Variants in SYT6 observed in about 807,000 individuals in gnomAD.
SYT6 encodes synaptotagmin-6.
A neutral mutation model predicts 38.4 loss-of-function variants in SYT6; 24 were observed. The observed-to-expected ratio is 0.62, with a 90% CI of 0.45 to 0.88. The LOEUF (loss-of-function observed/expected upper bound fraction) is 0.88. SYT6 is among the 40% of genes least tolerant of loss of function. The probability of loss-of-function intolerance (pLI) is 0.00; values close to 1 mark genes in which losing one functional copy is unlikely to be tolerated. For synonymous variants in SYT6, 265 were observed against 241.9 expected (o/e 1.10, Z -0.89); for missense variants, 611 against 621.0 (o/e 0.98, Z 0.17).
intron 3 of SYT6, among the ~76,000 whole-genome samples, chr1:114,123,261 G>A (rs539949482): frequency 1.3e-5 from 2 of 152,344 alleles, no homozygotes; most frequent in Admixed American, 6.5e-5. Context: ...TGCTTATCAT[G>A]TTGTCATGAC....
At chr1:114,105,957 C>T (rs187623525) in intron 3 of SYT6, among the ~76,000 whole-genome samples, 12 of 152,284 alleles carry the variant, frequency 7.9e-5, no homozygotes, top group East Asian at 5.8e-4. Flanking sequence ...TCCCCACCCT[C>T]GACATGCAGA....
intron 1 of SYT6, among the ~76,000 whole-genome samples, chr1:114,146,010 G>A (rs932203026): frequency 6.6e-6 from 1 of 152,166 alleles, no homozygotes; most frequent in African/African-American, 2.4e-5. Flanking sequence ...CAGAGGGCAT[G>A]GTTTTTTGGA....
chr1:114,140,159 T>A (rs536962616), intron 1 of SYT6, among the ~76,000 whole-genome samples, 196 bp from the exon 2 acceptor site: 2 of 152,224 alleles, frequency 1.3e-5, no homozygotes, highest in South Asian at 4.2e-4. Context: ...GTGGAGTATG[T>A]ACAGCCTTGT....
intron 3 of SYT6, among the ~76,000 whole-genome samples, chr1:114,128,724 C>T (rs1341644180): frequency 6.6e-6 from 1 of 152,230 alleles, no homozygotes; most frequent in Admixed American, 6.5e-5. Context: ...TCTGGAAACA[C>T]TTCCTTTGTT....
At chr1:114,129,611 TCTTTC>T (rs1451232968) in intron 3 of SYT6, among the ~76,000 whole-genome samples, 13 of 79,602 alleles carry the variant, frequency 1.6e-4, no homozygotes, top group African/African-American at 4.2e-4. Context: ...TTTCTTTCTT[TCTTTC>T]CTTTCTTTCT....
chr1:114,106,564 C>T (rs12117668), intron 3 of SYT6, among the ~76,000 whole-genome samples: 1 of 152,094 alleles, frequency 6.6e-6, no homozygotes, highest in Non-Finnish European at 1.5e-5. Context: ...AGCAACTGGG[C>T]CCTGTCCTAC....
intron 3 of SYT6, among the ~76,000 whole-genome samples, chr1:114,129,568 C>CT (rs1168700089): frequency 5.5e-5 from 4 of 73,044 alleles, no homozygotes; most frequent in African/African-American, 2.3e-4. Flanking sequence ...TCTTTCTTTT[C>CT]TTTCTTTCTT....
chr1:114,131,822 T>A (rs1319401346), intron 3 of SYT6, among the ~76,000 whole-genome samples: 4 of 152,164 alleles, frequency 2.6e-5, no homozygotes, highest in Admixed American at 2.6e-4. Context: ...AGGAATCCAA[T>A]GTCAGCACCA....
intron 5 of SYT6, 48 bp downstream of exon 5, chr1:114,099,046 G>T: frequency 6.4e-7 from 1 of 1,560,924 alleles, no homozygotes; most frequent in South Asian, 1.2e-5. Flanking sequence ...GCTGGTGCTG[G>T]AGTGGGAGTG....
Position 114,135,726 on chromosome 1 carries a change from ATGG to A in SYT6, c.1071+1766_1071+1768del, listed in dbSNP as rs539899778. Among the ~76,000 whole-genome samples the A allele has an allele frequency of 2.9e-4, 44 of 152,264 alleles. 1 individual carries two copies. Among genetic ancestry groups the A allele is most frequent in the Admixed American group, 2.5e-3 (38 of 15,304 alleles). The stretch of plus-strand genomic sequence containing the variant: ...TCATGCCTGGAGCCAAAGACACCAG[ATGG>A]TGGGCTCTGGCAAGGAGCAAAGGAG... On this transcript the variant is annotated intron_variant, in intron 3 of 7. Coordinates refer to ENST00000610222, the MANE Select transcript of SYT6 (RefSeq NM_001253772.2).
chr1:114,117,242 G>A (rs867083209), intron 3 of SYT6, among the ~76,000 whole-genome samples: 37 of 152,172 alleles, frequency 2.4e-4, no homozygotes, highest in African/African-American at 4.3e-4. Context: ...GGTGCCTTTC[G>A]CCCTGATTTA....
chr1:114,146,950 A>C (rs1679187333), intron 1 of SYT6, among the ~76,000 whole-genome samples: 1 of 152,260 alleles, frequency 6.6e-6, no homozygotes. Context: ...GTAATAAGCA[A>C]TATAATAAAT....
At chr1:114,135,480 G>A (rs533724088) in intron 3 of SYT6, among the ~76,000 whole-genome samples, 1 of 151,228 alleles carries the variant, frequency 6.6e-6, no homozygotes, top group East Asian at 2.0e-4. Flanking sequence ...CTTAGGAGGA[G>A]GAGATGGAGG....
At chr1:114,128,072 A>T (rs570092569) in intron 3 of SYT6, among the ~76,000 whole-genome samples, 1 of 152,318 alleles carries the variant, frequency 6.6e-6, no homozygotes, top group Admixed American at 6.5e-5. Flanking sequence ...GGCCATCTTC[A>T]TGCATTATTC....
At chr1:114,103,568 C>T (rs368439923) in intron 4 of SYT6, 33 bp downstream of exon 4, 3 of 1,612,936 alleles carry the variant, frequency 1.9e-6, no homozygotes, top group Non-Finnish European at 2.5e-6. Context: ...AATGTCTGGG[C>T]TGCTGGCAGG....
At chr1:114,110,071 G>T (rs909519771) in intron 3 of SYT6, among the ~76,000 whole-genome samples, 7 of 152,170 alleles carry the variant, frequency 4.6e-5, no homozygotes, top group African/African-American at 1.7e-4. Flanking sequence ...AGCCTTGCCT[G>T]CCTCTTAGCC....
intron 3 of SYT6, 84 bp downstream of exon 3, chr1:114,137,411 C>G (rs1230608954): frequency 2.0e-6 from 3 of 1,480,114 alleles, no homozygotes; most frequent in East Asian, 2.3e-5. Context: ...CCATTTGTCT[C>G]TAGGAAGTGA....
rs901193228 is a variant in SYT6, at chr1:114,095,569, G to A, written c.1516-1766C>T. Among the ~76,000 whole-genome samples, 4 of 152,348 alleles carry A rather than the reference G, an allele frequency of 2.6e-5. No individual in the cohort carries two copies. The East Asian group carries it at 5.8e-4, about 22-fold the overall frequency. On this transcript the variant is annotated intron_variant, in intron 6 of 7. Coordinates refer to ENST00000610222, the MANE Select transcript of SYT6 (RefSeq NM_001253772.2). ...GGCTCACGGGCCCAGCCATTGCTTA[G>A]GGTCAGAGTTTCCTAGAAAAGCAAA...
Position 114,090,222 on chromosome 1 carries a change from A to T in SYT6, c.*1912T>A, listed in dbSNP as rs1675221863. 6.6e-6 allele frequency: 1 copy of T among 152,352 alleles called. No individual in the cohort carries two copies. Among genetic ancestry groups the T allele is most frequent in the Non-Finnish European group, 1.5e-5 (1 of 68,042 alleles). 9.4% of individuals were successfully genotyped at this position (152,352 alleles called of 1,614,324 possible). A position where few individuals can be genotyped will look rare whatever the true frequency, so the allele number is the denominator to read the frequency against. Reference sequence around the variant, plus strand: ...TCTGTCACCTGCCAGGAATCTTGTCATGACCTTGGGTTTTTTCTCACTCTC... The same window carrying T: ...TCTGTCACCTGCCAGGAATCTTGTCTTGACCTTGGGTTTTTTCTCACTCTC... On this transcript the variant is annotated 3_prime_UTR_variant, in exon 8 of 8. Coordinates refer to ENST00000610222, the MANE Select transcript of SYT6 (RefSeq NM_001253772.2).
Sources: allele counts gnomAD v4.1 joint callset (sites outside exome capture counted in the v4.1 genomes callset), GRCh38; gene constraint gnomAD v4.1.1; transcripts MANE v1.5; gene names NCBI Gene and HGNC (gene_info 2026-07-23, HGNC 2026-07-21).